The following ZC3H12B variants were observed in gnomAD, a reference collection of about 807,000 sequenced individuals.
The protein encoded by ZC3H12B is zinc finger CCCH-type containing 12B.
Under a neutral mutation model 43.9 loss-of-function variants are expected in ZC3H12B, and 7 were observed. The observed-to-expected ratio is 0.16, with a 90% CI of 0.09 to 0.30. The LOEUF (loss-of-function observed/expected upper bound fraction) is 0.30. Ranked by LOEUF, ZC3H12B falls within the 10% of genes least tolerant of loss-of-function variation. The pLI is 1.00. For synonymous variants in ZC3H12B, 222 were observed against 241.7 expected (o/e 0.92, Z 0.76); for missense variants, 475 against 670.2 (o/e 0.71, Z 3.22).
the ZC3H12B span, among the ~76,000 whole-genome samples, chrX:65,338,313 A>G: frequency 8.9e-6 from 1 of 111,868 alleles, no homozygotes; most frequent in Middle Eastern, 4.6e-3. Flanking sequence ...TTGAATCAGG[A>G]AGAAATGGAA....
the ZC3H12B span, among the ~76,000 whole-genome samples, chrX:65,167,525 G>T: frequency 5.2e-4 from 58 of 111,436 alleles, no homozygotes; most frequent in African/African-American, 1.4e-3. Flanking sequence ...TGGGTATGTG[G>T]GCTCTTCTTT....
At chrX:65,044,696 A>G in the ZC3H12B span, among the ~76,000 whole-genome samples, 1 of 111,492 alleles carries the variant, frequency 9.0e-6, no homozygotes, top group Non-Finnish European at 1.9e-5. Flanking sequence ...CAGATTATGA[A>G]GATATAGACA....
chrX:65,221,873 C>G, the ZC3H12B span, among the ~76,000 whole-genome samples: 1 of 109,847 alleles, frequency 9.1e-6, no homozygotes, highest in Non-Finnish European at 1.9e-5. Flanking sequence ...GATACCAAAA[C>G]CAGGAAATGA....
At chrX:65,278,015 T>C in the ZC3H12B span, among the ~76,000 whole-genome samples, 3 of 111,444 alleles carry the variant, frequency 2.7e-5, no homozygotes, top group African/African-American at 9.8e-5. Context: ...AATCACAAGC[T>C]AAAAGAAGGC....
the ZC3H12B span, chrX:65,271,287 T>C: frequency 5.3e-5 from 6 of 112,441 alleles, no homozygotes; most frequent in South Asian, 2.2e-3. Flanking sequence ...TAGAAGGCTT[T>C]GGGAAATGGT....
the ZC3H12B span, among the ~76,000 whole-genome samples, chrX:65,174,328 C>A: frequency 8.9e-6 from 1 of 112,518 alleles, no homozygotes; most frequent in Non-Finnish European, 1.9e-5. Flanking sequence ...TAAAAATGGA[C>A]TTTTATCCAT....
chrX:65,114,027 T>TATATATATA, the ZC3H12B span, among the ~76,000 whole-genome samples: 1 of 43,252 alleles, frequency 2.3e-5, no homozygotes, highest in East Asian at 1.6e-3. Context: ...ATATATATAT[T>TATATATATA]CATCTTTAGC....
intron 1 of ZC3H12B, among the ~76,000 whole-genome samples, chrX:65,489,793 C>T (rs1019651830): frequency 8.9e-5 from 10 of 111,854 alleles, no homozygotes; most frequent in Non-Finnish European, 1.1e-4. Flanking sequence ...TGTTATTATA[C>T]CAAATTTTGA....
the ZC3H12B span, among the ~76,000 whole-genome samples, chrX:65,204,393 A>G: frequency 8.9e-6 from 1 of 111,924 alleles, no homozygotes; most frequent in Non-Finnish European, 1.9e-5. Context: ...AGATTTAACT[A>G]GAATTATGTG....
intron 3 of ZC3H12B, among the ~76,000 whole-genome samples, chrX:65,436,141 AAG>A (rs1305722510): frequency 8.9e-6 from 1 of 111,899 alleles, no homozygotes; most frequent in East Asian, 2.8e-4. Context: ...TAGCAGGAGG[AAG>A]AGAGAGTAAA....
At chrX:65,192,273 T>A in the ZC3H12B span, among the ~76,000 whole-genome samples, 8 of 111,884 alleles carry the variant, frequency 7.2e-5, no homozygotes, top group African/African-American at 6.5e-5. Flanking sequence ...AAAATGTATA[T>A]TTTGTTGATT....
chrX:65,178,555 A>G, the ZC3H12B span, among the ~76,000 whole-genome samples: 5 of 112,542 alleles, frequency 4.4e-5, no homozygotes, highest in South Asian at 3.6e-4. Context: ...AGGAACTTAA[A>G]CAAATTTAGA....
At chrX:65,041,960 G>C in the ZC3H12B span, among the ~76,000 whole-genome samples, 12 of 111,864 alleles carry the variant, frequency 1.1e-4, no homozygotes, top group East Asian at 3.4e-3. Context: ...TTAAAGACTT[G>C]AACTAGGGTG....
chrX:65,364,409 CA>C (rs796078421), upstream of ZC3H12B, among the ~76,000 whole-genome samples: 701 of 55,763 alleles, frequency 0.013, 4 homozygotes, highest in South Asian at 0.017. Flanking sequence ...GCTTTACTTC[CA>C]AAAAAAAAAA....
chrX:65,156,959 TTTTC>T, the ZC3H12B span, among the ~76,000 whole-genome samples: 10 of 111,614 alleles, frequency 9.0e-5, no homozygotes, highest in East Asian at 2.8e-4. Flanking sequence ...TTACTGACAT[TTTTC>T]TTTCTTTCTT....
chrX:65,466,913 CAA>C (rs2067826998), intron 3 of ZC3H12B, among the ~76,000 whole-genome samples: 3 of 14,938 alleles, frequency 2.0e-4, no homozygotes, highest in Non-Finnish European at 5.3e-4. Flanking sequence ...TATATAAAAC[CAA>C]ATATATATAT....
chrX:65,448,753 G>T (rs1030241038), intron 3 of ZC3H12B, among the ~76,000 whole-genome samples: 1 of 107,734 alleles, frequency 9.3e-6, no homozygotes, highest in Non-Finnish European at 1.9e-5. Flanking sequence ...GGAGGTGGAG[G>T]TTGCAGTGAA....
chrX:65,171,571 T>C, the ZC3H12B span, among the ~76,000 whole-genome samples: 1 of 111,522 alleles, frequency 9.0e-6, no homozygotes, highest in African/African-American at 3.3e-5. Flanking sequence ...TTCAAAGCTG[T>C]CAGGCAGGGA....
intron 2 of ZC3H12B, among the ~76,000 whole-genome samples, chrX:65,392,947 C>T (rs1260451267): frequency 8.9e-6 from 1 of 112,120 alleles, no homozygotes; most frequent in African/African-American, 3.2e-5. Flanking sequence ...AACCTTACCC[C>T]AACCCCGTGC....
Sources: gnomAD v4.1 joint callset for allele counts (sites outside exome capture counted in the v4.1 genomes callset) on GRCh38, gnomAD v4.1.1 for gene constraint, MANE v1.5 for transcripts, NCBI Gene and HGNC (gene_info 2026-07-23, HGNC 2026-07-21) for gene names.